Variants in SPIRE1 observed in about 807,000 individuals in gnomAD.
SPIRE1 encodes the protein spire type actin nucleation factor 1, also known as protein spire homolog 1.
A neutral mutation model predicts 94.1 loss-of-function variants in SPIRE1; 40 were observed. The ratio of observed to expected loss-of-function variants is 0.43; its 90% CI spans 0.33 to 0.55. The LOEUF (loss-of-function observed/expected upper bound fraction) is 0.55. SPIRE1 is among the 20% of genes least tolerant of loss of function. The pLI, the probability that SPIRE1 is intolerant of heterozygous loss-of-function variation, is 0.06. For synonymous variants in SPIRE1, 376 were observed against 371.7 expected, an observed-to-expected ratio of 1.01 and a Z score of -0.13; for missense variants, 838 against 975.2, an observed-to-expected ratio of 0.86 and a Z score of 1.87.
In SPIRE1 at chr18:12,502,098, C is replaced by T. The variant is rs185443378; in HGVS notation, c.972+4379G>A. 1.8e-3 allele frequency among the ~76,000 whole-genome samples: 278 copies of T among 152,236 alleles called. 1 individual carries two copies. Among genetic ancestry groups the T allele is most frequent in the African/African-American group, 6.4e-3 (267 of 41,546 alleles). On this transcript the variant is annotated intron_variant, in intron 6 of 16. Coordinates refer to ENST00000409402, the MANE Select transcript of SPIRE1 (RefSeq NM_001128626.2). ...ACTTCCCTAAGCCTCATCTAGGGTG[C>T]TTATAACATACAGATTCCTAGACTC...
At chr18:12,568,467 C>G (rs2035872914) in intron 2 of SPIRE1, among the ~76,000 whole-genome samples, 1 of 152,186 alleles carries the variant, frequency 6.6e-6, no homozygotes, top group Non-Finnish European at 1.5e-5. Flanking sequence ...ACTCATCTGT[C>G]CATCCTCTTG....
intron 3 of SPIRE1, among the ~76,000 whole-genome samples, chr18:12,542,104 G>C (rs1337386555): frequency 2.6e-5 from 4 of 151,918 alleles, no homozygotes; most frequent in Admixed American, 6.6e-5. Flanking sequence ...AGCCTCCCGA[G>C]TAGCTGGGAT....
intron 6 of SPIRE1, among the ~76,000 whole-genome samples, chr18:12,502,689 T>C (rs1163916820): frequency 1.3e-5 from 2 of 152,154 alleles, no homozygotes. Context: ...ATGGGGATAA[T>C]TGGGTAAGAT....
chr18:12,652,026 T>G (rs1336375478), intron 1 of SPIRE1, among the ~76,000 whole-genome samples: 1 of 152,208 alleles, frequency 6.6e-6, no homozygotes, highest in Non-Finnish European at 1.5e-5. Flanking sequence ...ACATCAAAAA[T>G]TTTGAAACCA....
chr18:12,619,434 G>C (rs1324981114), intron 2 of SPIRE1, among the ~76,000 whole-genome samples: 1 of 152,056 alleles, frequency 6.6e-6, no homozygotes, highest in Non-Finnish European at 1.5e-5. Context: ...CGTGAACCTG[G>C]GAGGCAGAGC....
intron 4 of SPIRE1, among the ~76,000 whole-genome samples, chr18:12,516,661 A>G (rs2034203442): frequency 8.5e-5 from 13 of 152,214 alleles, no homozygotes; most frequent in Admixed American, 8.5e-4. Context: ...TATGTCCTTA[A>G]TAGTCTACAA....
intron 6 of SPIRE1, among the ~76,000 whole-genome samples, chr18:12,501,572 C>T (rs145106781): frequency 0.011 from 1,704 of 152,202 alleles, 12 homozygotes; most frequent in Non-Finnish European, 0.017. Flanking sequence ...TTAATAGAGA[C>T]GGGGTTTGAC....
chr18:12,617,162 T>C (rs1230237836), intron 2 of SPIRE1, among the ~76,000 whole-genome samples: 3 of 29,076 alleles, frequency 1.0e-4, no homozygotes, highest in Non-Finnish European at 3.8e-4. Context: ...GCTCACTATT[T>C]TTTTTTTTTT....
At chr18:12,544,703 T>C (rs1185088223) in intron 3 of SPIRE1, among the ~76,000 whole-genome samples, 1 of 152,192 alleles carries the variant, frequency 6.6e-6, no homozygotes, top group Non-Finnish European at 1.5e-5. Context: ...ATGATAGCAA[T>C]AAGTTAGGGA....
intron 12 of SPIRE1, among the ~76,000 whole-genome samples, chr18:12,455,388 A>C (rs117002037): frequency 6.6e-6 from 1 of 152,198 alleles, no homozygotes; most frequent in Admixed American, 6.5e-5. Flanking sequence ...ACATGAAACT[A>C]CTGGAGCATT....
At chr18:12,498,708 TC>T (rs1346453726) in intron 6 of SPIRE1, among the ~76,000 whole-genome samples, 37 of 152,310 alleles carry the variant, frequency 2.4e-4, no homozygotes, top group Non-Finnish European at 4.7e-4. Context: ...CTCACTGCCG[TC>T]TTGACCTCCC....
chr18:12,466,854 C>T (rs1432749967), intron 10 of SPIRE1, among the ~76,000 whole-genome samples: 1 of 152,228 alleles, frequency 6.6e-6, no homozygotes, highest in Non-Finnish European at 1.5e-5. Flanking sequence ...TTTAAGAATT[C>T]GCTGTTCACC....
chr18:12,624,274 G>A (rs2037559335), intron 2 of SPIRE1, among the ~76,000 whole-genome samples: 1 of 151,582 alleles, frequency 6.6e-6, no homozygotes, highest in South Asian at 2.1e-4. Flanking sequence ...TGGGAGTGGT[G>A]GCTCACACCT....
At chr18:12,586,168 G>A (rs974300231) in intron 2 of SPIRE1, among the ~76,000 whole-genome samples, 2 of 152,116 alleles carry the variant, frequency 1.3e-5, no homozygotes, top group Admixed American at 6.6e-5. Context: ...TGCCCAGGCT[G>A]GTCTCAAACT....
chr18:12,548,601 TTTC>T (rs996855412), intron 2 of SPIRE1, among the ~76,000 whole-genome samples: 4 of 141,480 alleles, frequency 2.8e-5, no homozygotes, highest in African/African-American at 1.0e-4. Context: ...CATTCTTTTC[TTTC>T]TTTTTTTTTT....
chr18:12,525,825 A>G lies in SPIRE1; in HGVS notation c.729+9651T>C, dbSNP rs549078382. 2.0e-5 allele frequency among the ~76,000 whole-genome samples: 3 copies of G among 152,234 alleles called. No homozygotes were observed. The South Asian group carries it at 6.2e-4, about 32-fold the overall frequency. On this transcript the variant is annotated intron_variant, in intron 4 of 16. Transcript: ENST00000409402. ...ACTAAAGACTAGCTTTTAGTATGTT[A>G]TAACTCCATCTACTCATTCCTAGCA...
At chr18:12,636,439 A>C (rs1180041820) in intron 1 of SPIRE1, 3 of 151,780 alleles carry the variant, frequency 2.0e-5, no homozygotes, top group Non-Finnish European at 2.9e-5. Context: ...ATCACAAATA[A>C]TAGCTTTTGT....
At chr18:12,514,560 C>T (rs2034140061) in intron 4 of SPIRE1, among the ~76,000 whole-genome samples, 1 of 151,878 alleles carries the variant, frequency 6.6e-6, no homozygotes, top group Non-Finnish European at 1.5e-5. Context: ...TAGATTAAGA[C>T]ACTTTCAACC....
intron 4 of SPIRE1, among the ~76,000 whole-genome samples, chr18:12,528,966 A>G (rs546105354): frequency 5.3e-5 from 8 of 152,340 alleles, no homozygotes; most frequent in Non-Finnish European, 7.3e-5. Flanking sequence ...TCTGCCCTCA[A>G]TGAGATTATA....
Sources: gnomAD v4.1 joint callset for allele counts (sites outside exome capture counted in the v4.1 genomes callset) on GRCh38, gnomAD v4.1.1 for gene constraint, MANE v1.5 for transcripts, NCBI Gene and HGNC (gene_info 2026-07-23, HGNC 2026-07-21) for gene names.